The following PKN2 variants were observed in gnomAD, a reference collection of about 807,000 sequenced individuals.
PKN2 encodes protein kinase N2, also known as serine/threonine-protein kinase N2.
PKN2 carries 38 observed loss-of-function variants against 119.1 expected under a neutral mutation model. The observed-to-expected ratio is 0.32, with a 90% CI of 0.25 to 0.42. PKN2 has a LOEUF of 0.42. Among genes scored for constraint, PKN2 ranks in the 10% least tolerant of loss-of-function variants. The pLI, the probability that PKN2 is intolerant of heterozygous loss-of-function variation, is 1.00. For synonymous variants in PKN2, 390 were observed against 384.9 expected (o/e 1.01, Z -0.15); for missense variants, 850 against 1,165.1 (o/e 0.73, Z 3.94).
At chr1:88,761,532 C>G (rs1016510208) in intron 3 of PKN2, among the ~76,000 whole-genome samples, 17 of 148,020 alleles carry the variant, frequency 1.1e-4, no homozygotes, top group African/African-American at 4.2e-4. Flanking sequence ...ACCTAGAACT[C>G]TGGGAGGCTG....
At chr1:88,728,603 G>A (rs1349311901) in intron 1 of PKN2, among the ~76,000 whole-genome samples, 6 of 151,798 alleles carry the variant, frequency 4.0e-5, no homozygotes, top group Non-Finnish European at 8.8e-5. Flanking sequence ...CTGTACTTTC[G>A]TTGATAAAGT....
At chr1:88,768,352 G>A (rs1035988735) in intron 3 of PKN2, among the ~76,000 whole-genome samples, 1 of 152,146 alleles carries the variant, frequency 6.6e-6, no homozygotes, top group African/African-American at 2.4e-5. Context: ...GGAGGATGTA[G>A]GGCAGAATGT....
chr1:88,758,540 A>G (rs897260162), intron 2 of PKN2, among the ~76,000 whole-genome samples: 12 of 151,602 alleles, frequency 7.9e-5, no homozygotes, highest in Admixed American at 3.3e-4. Context: ...CACCCTCCAC[A>G]CTCCAATAGG....
chr1:88,723,497 C>G (rs543878200), intron 1 of PKN2, among the ~76,000 whole-genome samples: 23 of 150,852 alleles, frequency 1.5e-4, no homozygotes, highest in African/African-American at 5.3e-4. Flanking sequence ...TCTCGGCTCA[C>G]TGCAACCTCA....
At chr1:88,706,438 C>T (rs895760325) in intron 1 of PKN2, among the ~76,000 whole-genome samples, 1 of 152,030 alleles carries the variant, frequency 6.6e-6, no homozygotes, top group African/African-American at 2.4e-5. Flanking sequence ...AAAAGTTTTA[C>T]TTCTTTGTAA....
At chr1:88,803,237 A>G (rs1235238428) in intron 8 of PKN2, among the ~76,000 whole-genome samples, 1 of 152,088 alleles carries the variant, frequency 6.6e-6, no homozygotes, top group African/African-American at 2.4e-5. Context: ...CCTCTGGCAC[A>G]TTGTATTTTG....
At chr1:88,822,410 A>G (rs891028896) in intron 17 of PKN2, among the ~76,000 whole-genome samples, 22 of 152,082 alleles carry the variant, frequency 1.4e-4, no homozygotes, top group Admixed American at 1.3e-3. Context: ...AAGAAGCCTT[A>G]TTGTCAACTG....
At chr1:88,714,389 C>T (rs1222890560) in intron 1 of PKN2, among the ~76,000 whole-genome samples, 2 of 152,086 alleles carry the variant, frequency 1.3e-5, no homozygotes, top group South Asian at 2.1e-4. Flanking sequence ...GCCATTTTCA[C>T]GATATTGATT....
intron 20 of PKN2, 112 bp from the exon 21 acceptor site, chr1:88,832,965 G>A (rs1570700420): frequency 8.0e-7 from 1 of 1,244,282 alleles, no homozygotes; most frequent in Non-Finnish European, 1.1e-6. Context: ...AATGTTGCAT[G>A]GCTTAGACAA....
intron 16 of PKN2, among the ~76,000 whole-genome samples, chr1:88,820,853 T>C (rs948430846): frequency 6.6e-6 from 1 of 152,178 alleles, no homozygotes; most frequent in Non-Finnish European, 1.5e-5. Flanking sequence ...TGAAGACATT[T>C]GCATTTTTAA....
intron 19 of PKN2, among the ~76,000 whole-genome samples, chr1:88,830,590 C>T (rs770729880): frequency 6.6e-6 from 1 of 151,888 alleles, no homozygotes; most frequent in African/African-American, 2.4e-5. Flanking sequence ...ATGACATGTG[C>T]AAAATATGAG....
At chr1:88,690,550 G>T (rs1666291749) in intron 1 of PKN2, among the ~76,000 whole-genome samples, 1 of 152,070 alleles carries the variant, frequency 6.6e-6, no homozygotes, top group Non-Finnish European at 1.5e-5. Context: ...GCTTTAAAAA[G>T]ATTTAAAATT....
chr1:88,723,418 C>G (rs1032147190), intron 1 of PKN2, among the ~76,000 whole-genome samples: 1 of 148,352 alleles, frequency 6.7e-6, no homozygotes, highest in African/African-American at 2.5e-5. Flanking sequence ...CTGCCCCCCC[C>G]CCTTTTATTT....
chr1:88,754,953 C>T (rs1204624171), intron 2 of PKN2, among the ~76,000 whole-genome samples: 1 of 152,042 alleles, frequency 6.6e-6, no homozygotes. Flanking sequence ...TATAATACCC[C>T]CGAAAATACT....
chr1:88,715,692 T>C (rs1369795385), intron 1 of PKN2, among the ~76,000 whole-genome samples: 1 of 152,164 alleles, frequency 6.6e-6, no homozygotes, highest in Non-Finnish European at 1.5e-5. Flanking sequence ...TCTCTTTTCT[T>C]TATTAGTCTT....
intron 1 of PKN2, among the ~76,000 whole-genome samples, chr1:88,717,810 C>T (rs1469166856): frequency 1.3e-5 from 2 of 152,088 alleles, no homozygotes; most frequent in East Asian, 1.9e-4. Context: ...TCGTCAAAGT[C>T]ATTCTCCATC....
chr1:88,724,961 A>G lies in PKN2; in HGVS notation c.49-16027A>G, dbSNP rs1444083958. Among the ~76,000 whole-genome samples, 5 of 147,578 alleles carry G rather than the reference A, an allele frequency of 3.4e-5. No homozygotes were observed. The South Asian group carries it at 8.5e-4, about 25-fold the overall frequency. ...ACCCAGGCTGGAGTACGGTGGCACA[A>G]TCTCGGCTCACTGCAGCCTCCCCAT... On this transcript the variant is annotated intron_variant, in intron 1 of 21. Transcript: ENST00000370521.
intron 3 of PKN2, among the ~76,000 whole-genome samples, chr1:88,763,783 G>A (rs1382051930): frequency 5.9e-5 from 9 of 152,100 alleles, no homozygotes; most frequent in Non-Finnish European, 1.2e-4. Flanking sequence ...CATACTTTTG[G>A]TATCTTGGAT....
intron 1 of PKN2, chr1:88,685,022 T>C (rs1553143743): frequency 5.0e-6 from 1 of 198,866 alleles, no homozygotes; most frequent in South Asian, 1.2e-4. Context: ...GCCCCGCCTT[T>C]CCTCCGTACA....
Sources: allele counts gnomAD v4.1 joint callset (sites outside exome capture counted in the v4.1 genomes callset), GRCh38; gene constraint gnomAD v4.1.1; transcripts MANE v1.5; gene names NCBI Gene and HGNC (gene_info 2026-07-23, HGNC 2026-07-21).